Variants in BRI3BP observed in about 807,000 individuals in gnomAD.
The protein encoded by BRI3BP is BRI3 binding protein.
BRI3BP carries 7 observed loss-of-function variants against 15.8 expected under a neutral mutation model. That is an observed-to-expected ratio of 0.44 (90% CI 0.25 to 0.83). The LOEUF (loss-of-function observed/expected upper bound fraction) is 0.83. Among genes scored for constraint, BRI3BP ranks in the 40% least tolerant of loss-of-function variants. The probability of loss-of-function intolerance (pLI) is 0.20; values close to 1 mark genes in which losing one functional copy is unlikely to be tolerated. For missense variants in BRI3BP, 320 were observed against 339.3 expected (o/e 0.94, Z 0.45); for synonymous variants, 192 against 163.5 (o/e 1.17, Z -1.33).
At chr12:125,016,533 G>T (rs555071769) in intron 2 of BRI3BP, among the ~76,000 whole-genome samples, 57 of 148,484 alleles carry the variant, frequency 3.8e-4, no homozygotes, top group African/African-American at 1.4e-3. Flanking sequence ...GGTGGGGAGT[G>T]GGGGGTAGGA....
rs1955206129 is a variant in BRI3BP, at chr12:125,012,597, A to G, written c.277A>G (p.Lys93Glu). The change falls in exon 2 of 3, where the codon AAA (lysine) becomes GAA (glutamate). Residue 93 changes from lysine to glutamate, a missense_variant. Coordinates refer to ENST00000341446, the MANE Select transcript of BRI3BP (RefSeq NM_080626.6). ...GGATATGTTCGTGGAGACACTGTGGAAAGTCTGGACCGAGCTCTTGGATGT... is the reference window on the plus strand; with the variant it reads ...GGATATGTTCGTGGAGACACTGTGGGAAGTCTGGACCGAGCTCTTGGATGT... ...GVDMFVETLW[K>E]VWTELLDVLG... 1 of 1,613,228 alleles carries G rather than the reference A, an allele frequency of 6.2e-7. No individual in the cohort carries two copies. Among genetic ancestry groups the G allele is most frequent in the Non-Finnish European group, 8.5e-7 (1 of 1,179,232 alleles).
At position 125,024,998 on chromosome 12, in the gene BRI3BP, C is replaced by G; in HGVS notation, c.324C>G (p.Asn108Lys). Residue 108 changes from asparagine (N) to lysine (K), a missense_variant, in exon 3 of 3, where the codon AAC (asparagine) becomes AAG (lysine). Physicochemically the swap from Asn to Lys is moderately conservative, Grantham distance 94 (BLOSUM62 0). Transcript: ENST00000341446. ...CTCTTTTCTGTCCCGCAGTCTCCAACCTGTCCCAGTATTTCAGCCCAGCCT... is the reference window on the plus strand; with the variant it reads ...CTCTTTTCTGTCCCGCAGTCTCCAAGCTGTCCCAGTATTTCAGCCCAGCCT... Reference protein sequence around the residue: ...LLDVLGLDVSNLSQYFSPASV... With the variant: ...LLDVLGLDVSKLSQYFSPASV... 6.2e-7 allele frequency: 1 copy of G among 1,612,096 alleles called. No individual in the cohort carries two copies. The highest frequency in any genetic ancestry group is 1.1e-5 in the South Asian group (1 of 90,936).
intron 2 of BRI3BP, among the ~76,000 whole-genome samples, chr12:125,013,641 G>C (rs954204083): frequency 6.6e-6 from 1 of 152,204 alleles, no homozygotes. Context: ...ATCCAGGAAG[G>C]CAGCCTGGGA....
At chr12:125,039,173 A>G in the BRI3BP span, among the ~76,000 whole-genome samples, 1 of 152,226 alleles carries the variant, frequency 6.6e-6, no homozygotes, top group African/African-American at 2.4e-5. Context: ...GGAACAGCTA[A>G]TAAGGAATCA....
chr12:125,028,347 C>T lies in BRI3BP; in HGVS notation c.*2917C>T, dbSNP rs904964471. 7 of 152,200 alleles carry T rather than the reference C, an allele frequency of 4.6e-5. No homozygotes were observed. Among genetic ancestry groups the T allele is most frequent in the African/African-American group, 1.7e-4 (7 of 41,446 alleles). 9.4% of individuals were successfully genotyped at this position (152,200 alleles called of 1,614,324 possible). ...TTCATTCCTCCTCCCACCCTCTTAC[C>T]CGAAACATGAAGGGCACTGTGCTCT... On this transcript the variant is annotated 3_prime_UTR_variant, in exon 3 of 3. Transcript: ENST00000341446.
At chr12:125,049,844 G>C in the BRI3BP span, among the ~76,000 whole-genome samples, 3 of 151,630 alleles carry the variant, frequency 2.0e-5, no homozygotes, top group African/African-American at 4.8e-5. Context: ...TCCCTCCGCC[G>C]CCCGGGCGTT....
chr12:125,009,619 TG>T (rs60019848), intron 1 of BRI3BP, among the ~76,000 whole-genome samples: 58,167 of 147,934 alleles, frequency 0.39, 11,531 homozygotes, highest in Non-Finnish European at 0.43. Flanking sequence ...AAATTAGAGA[TG>T]GGGGGGGGGT....
At chr12:125,037,155 G>A in the BRI3BP span, among the ~76,000 whole-genome samples, 5 of 152,206 alleles carry the variant, frequency 3.3e-5, no homozygotes, top group East Asian at 7.7e-4. Context: ...TGCCTCCTGG[G>A]TTCAAATGAT....
At chr12:125,008,439 T>C (rs527238613) in intron 1 of BRI3BP, among the ~76,000 whole-genome samples, 1 of 151,956 alleles carries the variant, frequency 6.6e-6, no homozygotes, top group East Asian at 1.9e-4. Flanking sequence ...CAGCCTCCTG[T>C]GTAGCTGGGA....
chr12:125,011,415 T>C (rs192289020), intron 1 of BRI3BP, among the ~76,000 whole-genome samples: 4 of 152,318 alleles, frequency 2.6e-5, no homozygotes, highest in African/African-American at 7.2e-5. Context: ...GGAAACCATG[T>C]AGGTATCCAT....
At chr12:125,015,797 C>T (rs1259259714) in intron 2 of BRI3BP, among the ~76,000 whole-genome samples, 1 of 152,228 alleles carries the variant, frequency 6.6e-6, no homozygotes, top group Non-Finnish European at 1.5e-5. Flanking sequence ...GAGGCGTCAG[C>T]ATAGCCAGAG....
intron 2 of BRI3BP, among the ~76,000 whole-genome samples, chr12:125,013,780 C>T (rs916415906): frequency 1.3e-5 from 2 of 152,164 alleles, no homozygotes; most frequent in African/African-American, 4.8e-5. Context: ...TAGTGCAGTG[C>T]TAGTCACACG....
chr12:125,024,927 C>T, intron 2 of BRI3BP, 64 bp from the exon 3 acceptor site: 1 of 1,438,776 alleles, frequency 7.0e-7, no homozygotes, highest in East Asian at 2.3e-5. Flanking sequence ...CTATCCAATT[C>T]TAGCTTGTTA....
At chr12:125,005,378 C>G (rs1191297809) in intron 1 of BRI3BP, among the ~76,000 whole-genome samples, 1 of 152,100 alleles carries the variant, frequency 6.6e-6, no homozygotes, top group Admixed American at 6.6e-5. Context: ...TGGGTCTCAC[C>G]CCATAGCATC....
At chr12:125,014,661 C>T (rs1309518053) in intron 2 of BRI3BP, among the ~76,000 whole-genome samples, 1 of 152,120 alleles carries the variant, frequency 6.6e-6, no homozygotes, top group East Asian at 1.9e-4. Context: ...TTCTAGACTC[C>T]CAGAGGGAAC....
In BRI3BP at chr12:124,997,316, C is replaced by T. The variant is rs886653952; in HGVS notation, c.213+3313C>T. On this transcript the variant is annotated intron_variant, in intron 1 of 2. Coordinates refer to ENST00000341446, the MANE Select transcript of BRI3BP (RefSeq NM_080626.6). Reference sequence around the variant, plus strand: ...CTGCAACCTCCGCCTCCCGGATTCACGAAATTCTCCTGCTTCAGCCTCCCT... The same window carrying T: ...CTGCAACCTCCGCCTCCCGGATTCATGAAATTCTCCTGCTTCAGCCTCCCT... 6.8e-5 allele frequency among the ~76,000 whole-genome samples: 10 copies of T among 147,106 alleles called. No homozygotes were observed. In the East Asian group the frequency reaches 1.2e-3, roughly 18 times the overall value.
chr12:125,025,297 G>A lies in BRI3BP; in HGVS notation c.623G>A (p.Ser208Asn). Residue 208 changes from serine to asparagine, a missense_variant, in exon 3 of 3, where the codon AGT (serine) becomes AAT (asparagine). Physicochemically the swap from Ser to Asn is conservative, Grantham distance 46. Coordinates refer to ENST00000341446, the MANE Select transcript of BRI3BP (RefSeq NM_080626.6). ...TGPMGFYWRS[S>N]PSGPSNPSNP... ...CCCATGGGCTTCTACTGGCGAAGCA[G>A]TCCCAGCGGCCCCAGCAACCCCAGC... 1.2e-6 allele frequency: 2 copies of A among 1,613,922 alleles called. No individual in the cohort carries two copies. Among genetic ancestry groups the A allele is most frequent in the East Asian group, 2.2e-5 (1 of 44,890 alleles).
chr12:125,036,395 TA>T, the BRI3BP span, among the ~76,000 whole-genome samples: 4 of 151,320 alleles, frequency 2.6e-5, no homozygotes, highest in South Asian at 2.1e-4. Context: ...TTATTATTAT[TA>T]TTTTTTTTTA....
At chr12:125,040,571 G>A in the BRI3BP span, among the ~76,000 whole-genome samples, 3 of 151,004 alleles carry the variant, frequency 2.0e-5, no homozygotes, top group Admixed American at 6.6e-5. Flanking sequence ...TTGCACCCCC[G>A]ACTTCAGGTG....
Sources: gnomAD v4.1 joint callset for allele counts (sites outside exome capture counted in the v4.1 genomes callset) on GRCh38, gnomAD v4.1.1 for gene constraint, MANE v1.5 for transcripts, NCBI Gene and HGNC (gene_info 2026-07-23, HGNC 2026-07-21) for gene names.